ZNF589: variants seen among roughly 807,000 people sequenced by gnomAD.
The protein encoded by ZNF589 is zinc finger protein 589, also known as KRAB-zinc finger protein SZF1-1.
ZNF589 carries 17 observed loss-of-function variants against 13.6 expected under a neutral mutation model. That is an observed-to-expected ratio of 1.25 (90% CI 0.86 to 1.88). The LOEUF is 1.88. ZNF589 is among the 40% of genes most tolerant of loss of function. The probability of loss-of-function intolerance (pLI) is 0.00; values close to 1 mark genes in which losing one functional copy is unlikely to be tolerated. For missense variants in ZNF589, 407 were observed against 434.0 expected (o/e 0.94, Z 0.55); for synonymous variants, 148 against 161.6 (o/e 0.92, Z 0.64).
intron 2 of ZNF589, among the ~76,000 whole-genome samples, chr3:48,258,581 T>G (rs2033934629): frequency 6.6e-6 from 1 of 152,260 alleles, no homozygotes; most frequent in Non-Finnish European, 1.5e-5. Flanking sequence ...ATTTACTTAT[T>G]TTAAAAATCA....
intron 2 of ZNF589, among the ~76,000 whole-genome samples, chr3:48,251,031 G>A (rs1017223335): frequency 6.6e-6 from 1 of 152,190 alleles, no homozygotes; most frequent in Non-Finnish European, 1.5e-5. Flanking sequence ...GATTGCAGGT[G>A]TGAGCCACCG....
rs9815079 is a variant in ZNF589, at chr3:48,247,563, G to A, written c.44-62G>A. 3,121 of 1,598,444 alleles carry A rather than the reference G, an allele frequency of 2.0e-3. 61 individuals are homozygous for A. In the African/African-American group the frequency reaches 0.038, roughly 20 times the overall value. On this transcript the variant is annotated intron_variant, in intron 1 of 3. Coordinates refer to ENST00000354698, the MANE Select transcript of ZNF589 (RefSeq NM_016089.3). ...CACAGCCAAGGCTCAGAGGGCTCTT[G>A]GGGATCCTCATGATGGGCCTGGTAG...
chr3:48,256,634 C>T (rs998576974), intron 2 of ZNF589: 19 of 955,324 alleles, frequency 2.0e-5, no homozygotes, highest in South Asian at 2.6e-5. Context: ...TGTGATCTTT[C>T]GGGGCAGCAT....
At chr3:48,265,585 C>G (rs2106848564) in intron 3 of ZNF589, among the ~76,000 whole-genome samples, 1 of 152,036 alleles carries the variant, frequency 6.6e-6, no homozygotes, top group Middle Eastern at 3.4e-3. Flanking sequence ...ACTGTGCTGG[C>G]CAGAAGAATT....
At position 48,269,437 on chromosome 3, in the gene ZNF589, G is replaced by T. The variant is rs1333962567; in HGVS notation, c.*651G>T. On this transcript the variant is annotated 3_prime_UTR_variant, in exon 4 of 4. Coordinates refer to ENST00000354698, the MANE Select transcript of ZNF589 (RefSeq NM_016089.3). Reference sequence around the variant, plus strand: ...ACGAGCAGACACATTCAGGGGAGAAGCCTTATGTGTGTGGGGAATGTGGGC... The same window carrying T: ...ACGAGCAGACACATTCAGGGGAGAATCCTTATGTGTGTGGGGAATGTGGGC... The T allele has an allele frequency of 4.4e-6, 2 of 451,998 alleles. No homozygotes were observed. The highest frequency in any genetic ancestry group is 9.2e-5 in the East Asian group (2 of 21,828). The allele number at this position is 451,998 out of a possible 1,614,324, so 28.0% of individuals were successfully genotyped here. A position where few individuals can be genotyped will look rare whatever the true frequency, so the allele number is the denominator to read the frequency against.
At chr3:48,251,907 TACTC>T (rs2033842464) in intron 2 of ZNF589, among the ~76,000 whole-genome samples, 1 of 151,712 alleles carries the variant, frequency 6.6e-6, no homozygotes, top group African/African-American at 2.4e-5. Flanking sequence ...TAGCTGGAGT[TACTC>T]ACCTGTAGTC....
At chr3:48,247,699 C>G (rs1053747543) in intron 2 of ZNF589, 22 bp downstream of exon 2, 5 of 1,611,080 alleles carry the variant, frequency 3.1e-6, no homozygotes, top group African/African-American at 1.3e-5. Flanking sequence ...CCGCCCTTCT[C>G]TTTTCTGAAA....
At chr3:48,245,364 G>A (rs1333289151) in intron 1 of ZNF589, among the ~76,000 whole-genome samples, 1 of 151,982 alleles carries the variant, frequency 6.6e-6, no homozygotes, top group Non-Finnish European at 1.5e-5. Flanking sequence ...AGCCCACCTC[G>A]GCCACCTAAC....
intron 2 of ZNF589, among the ~76,000 whole-genome samples, chr3:48,256,070 C>T (rs11710861): frequency 0.27 from 41,707 of 151,708 alleles, 6,090 homozygotes; most frequent in Non-Finnish European, 0.3. Flanking sequence ...TGACATTCCA[C>T]TGGGCAAAAC....
chr3:48,267,870 C>T, intron 3 of ZNF589, 45 bp from the exon 4 acceptor site: 1 of 1,538,184 alleles, frequency 6.5e-7, no homozygotes, highest in Non-Finnish European at 8.7e-7. Context: ...AGAGCCCAGT[C>T]AGCCCTTCCT....
chr3:48,268,751 C>G lies in ZNF589; in HGVS notation c.1060C>G (p.His354Asp), dbSNP rs1234929387. ...AGAGCTCATTAAGCACCAGAGAATT[C>G]ACACGGGGGATAAGCCTTATGTGTG... ...KSELIKHQRI[H>D]TGDKPYVCRD The change falls in exon 4 of 4, where the codon CAC becomes GAC. Residue 354 changes from histidine to aspartate, a missense_variant. His to Asp is a moderately conservative substitution (Grantham distance 81, BLOSUM62 -1). Transcript: ENST00000354698. 4 of 1,614,020 alleles carry G rather than the reference C, an allele frequency of 2.5e-6. No individual in the cohort carries two copies. The highest frequency in any genetic ancestry group is 3.4e-6 in the Non-Finnish European group (4 of 1,179,950).
At position 48,241,572 on chromosome 3, in the gene ZNF589, C is replaced by T. The variant is rs926805510; in HGVS notation, c.43+358C>T. 3.3e-5 allele frequency among the ~76,000 whole-genome samples: 5 copies of T among 152,234 alleles called. No homozygotes were observed. The South Asian group carries it at 6.2e-4, about 19-fold the overall frequency. Reference sequence around the variant, plus strand: ...TTTGAGACGGAGTCTCGCTCTGTCGCCCAGGCTGGAGTGCAGTGGCGCGAT... The same window carrying T: ...TTTGAGACGGAGTCTCGCTCTGTCGTCCAGGCTGGAGTGCAGTGGCGCGAT... On this transcript the variant is annotated intron_variant, in intron 1 of 3. Transcript: ENST00000354698.
intron 3 of ZNF589, among the ~76,000 whole-genome samples, chr3:48,264,170 G>A (rs1409206304): frequency 6.6e-6 from 1 of 152,144 alleles, no homozygotes; most frequent in Non-Finnish European, 1.5e-5. Flanking sequence ...AAGCAGCTTG[G>A]CTTTTACTCT....
At chr3:48,251,003 G>A (rs529901053) in intron 2 of ZNF589, among the ~76,000 whole-genome samples, 12 of 152,220 alleles carry the variant, frequency 7.9e-5, no homozygotes, top group African/African-American at 2.2e-4. Context: ...CTCCCACCTC[G>A]GCCTCCCAAA....
chr3:48,256,687 A>G, intron 2 of ZNF589: 3 of 1,442,440 alleles, frequency 2.1e-6, no homozygotes, highest in Non-Finnish European at 2.9e-6. Flanking sequence ...GCAAAACATC[A>G]TCATAGTTTT....
At chr3:48,252,783 C>T (rs1244903583) in intron 2 of ZNF589, among the ~76,000 whole-genome samples, 3 of 151,092 alleles carry the variant, frequency 2.0e-5, no homozygotes, top group Admixed American at 6.6e-5. Context: ...CCACCTTGCC[C>T]GGCTAATTTT....
intron 1 of ZNF589, among the ~76,000 whole-genome samples, chr3:48,242,348 A>G (rs1410290768): frequency 1.3e-5 from 2 of 151,408 alleles, no homozygotes; most frequent in Non-Finnish European, 2.9e-5. Flanking sequence ...CTGACCCCAG[A>G]TGATCCACCT....
chr3:48,243,511 A>G (rs1041155691), intron 1 of ZNF589, among the ~76,000 whole-genome samples: 2 of 152,184 alleles, frequency 1.3e-5, no homozygotes, highest in African/African-American at 4.8e-5. Flanking sequence ...TAGCAAAGCT[A>G]AAGAAAGTAA....
At chr3:48,246,553 T>G (rs1343957733) in intron 1 of ZNF589, among the ~76,000 whole-genome samples, 1 of 152,206 alleles carries the variant, frequency 6.6e-6, no homozygotes, top group Admixed American at 6.5e-5. Context: ...CAAGTGATCC[T>G]CCCACCTCAG....
Sources: gnomAD v4.1 joint callset for allele counts (sites outside exome capture counted in the v4.1 genomes callset) on GRCh38, gnomAD v4.1.1 for gene constraint, MANE v1.5 for transcripts, NCBI Gene and HGNC (gene_info 2026-07-23, HGNC 2026-07-21) for gene names.